The following HS2ST1 variants were observed in gnomAD, a reference collection of about 807,000 sequenced individuals.
HS2ST1 encodes heparan sulfate 2-O-sulfotransferase 1.
A neutral mutation model predicts 42.9 loss-of-function variants in HS2ST1; 18 were observed. The observed-to-expected ratio is 0.42, with a 90% confidence interval of 0.29 to 0.62. The LOEUF is 0.62. Ranked by LOEUF, HS2ST1 falls within the 20% of genes least tolerant of loss-of-function variation. The pLI, the probability that HS2ST1 is intolerant of heterozygous loss-of-function variation, is 0.21. For synonymous variants in HS2ST1, 146 were observed against 152.9 expected, an observed-to-expected ratio of 0.95 and a Z score of 0.33; for missense variants, 334 against 433.8, an observed-to-expected ratio of 0.77 and a Z score of 2.04.
At chr1:86,924,277 C>G (rs1172812160) in intron 1 of HS2ST1, among the ~76,000 whole-genome samples, 3 of 152,194 alleles carry the variant, frequency 2.0e-5, no homozygotes. Flanking sequence ...TGATATAGCC[C>G]CCCACTCCTG....
chr1:87,094,639 C>T (rs375001531), intron 4 of HS2ST1, among the ~76,000 whole-genome samples: 3 of 151,932 alleles, frequency 2.0e-5, no homozygotes, highest in Non-Finnish European at 4.4e-5. Context: ...ACATGTCACT[C>T]GACATTTTTC....
chr1:87,070,943 C>G (rs1172395958), intron 1 of HS2ST1, among the ~76,000 whole-genome samples: 1 of 152,248 alleles, frequency 6.6e-6, no homozygotes, highest in African/African-American at 2.4e-5. Flanking sequence ...AACTGTACAC[C>G]TATAAACCCA....
intron 1 of HS2ST1, among the ~76,000 whole-genome samples, chr1:87,056,124 T>A (rs1334800166): frequency 6.6e-6 from 1 of 152,158 alleles, no homozygotes; most frequent in Non-Finnish European, 1.5e-5. Context: ...TCTGCTCTCA[T>A]GAAAGAATCA....
At chr1:86,997,958 G>A (rs1295351853) in intron 1 of HS2ST1, among the ~76,000 whole-genome samples, 1 of 152,194 alleles carries the variant, frequency 6.6e-6, no homozygotes, top group African/African-American at 2.4e-5. Context: ...CATGGGTCGT[G>A]AAACTGCAGA....
chr1:87,107,702 A>G lies in HS2ST1; in HGVS notation c.*3006A>G, dbSNP rs1652357961. 1 of 151,898 alleles carries G rather than the reference A, an allele frequency of 6.6e-6. No individual in the cohort carries two copies. Among genetic ancestry groups the G allele is most frequent in the African/African-American group, 2.4e-5 (1 of 41,416 alleles). 9.4% of individuals were successfully genotyped at this position (151,898 alleles called of 1,614,324 possible). On this transcript the variant is annotated 3_prime_UTR_variant, in exon 7 of 7. Transcript: ENST00000370550. ...AAAGATACCTTTCTGTTCAACTTGT[A>G]TCAACTCCTCTTTTCTAATTGCTGT...
chr1:87,078,861 G>A (rs962574359), intron 2 of HS2ST1, among the ~76,000 whole-genome samples: 4 of 152,150 alleles, frequency 2.6e-5, no homozygotes, highest in African/African-American at 9.7e-5. Flanking sequence ...AGTGGTGCAG[G>A]GAGGTGAGAA....
chr1:86,924,069 A>G (rs1048219797), intron 1 of HS2ST1, among the ~76,000 whole-genome samples: 1 of 152,238 alleles, frequency 6.6e-6, no homozygotes, highest in African/African-American at 2.4e-5. Flanking sequence ...ACATTGGGTA[A>G]ATACAGCCAT....
At chr1:86,999,996 A>T (rs1168120221) in intron 1 of HS2ST1, among the ~76,000 whole-genome samples, 1 of 152,204 alleles carries the variant, frequency 6.6e-6, no homozygotes, top group Non-Finnish European at 1.5e-5. Flanking sequence ...TTATGCCAGC[A>T]AGTACACCTT....
At chr1:87,022,738 T>C (rs1649983761) in intron 1 of HS2ST1, among the ~76,000 whole-genome samples, 1 of 152,178 alleles carries the variant, frequency 6.6e-6, no homozygotes, top group Non-Finnish European at 1.5e-5. Context: ...GACATATTCA[T>C]ATACCATTAT....
intron 1 of HS2ST1, among the ~76,000 whole-genome samples, chr1:87,059,536 A>G (rs1445318693): frequency 6.6e-6 from 1 of 152,234 alleles, no homozygotes; most frequent in Non-Finnish European, 1.5e-5. Context: ...CTCAAGAAAA[A>G]GGAAAAGCAT....
chr1:86,917,754 A>G (rs1164339365), intron 1 of HS2ST1, among the ~76,000 whole-genome samples: 2 of 152,208 alleles, frequency 1.3e-5, no homozygotes, highest in Non-Finnish European at 2.9e-5. Flanking sequence ...TAAAATTGTA[A>G]TATCAGTGTT....
intron 1 of HS2ST1, among the ~76,000 whole-genome samples, chr1:87,053,506 T>C (rs1426574035): frequency 6.6e-6 from 1 of 152,218 alleles, no homozygotes; most frequent in African/African-American, 2.4e-5. Flanking sequence ...CTGAATAATT[T>C]ACTTTCAACC....
At chr1:87,082,819 A>G (rs1651725295) in intron 2 of HS2ST1, among the ~76,000 whole-genome samples, 3 of 152,194 alleles carry the variant, frequency 2.0e-5, no homozygotes, top group African/African-American at 2.4e-5. Context: ...CTCAAATCAC[A>G]TTTATTTGGC....
intron 1 of HS2ST1, among the ~76,000 whole-genome samples, chr1:86,979,070 A>G (rs1316883619): frequency 6.6e-6 from 1 of 151,846 alleles, no homozygotes; most frequent in Non-Finnish European, 1.5e-5. Context: ...TGCCCAGGCT[A>G]GTCTTGAACT....
chr1:87,090,238 C>G (rs1651907141), intron 3 of HS2ST1, among the ~76,000 whole-genome samples: 1 of 152,104 alleles, frequency 6.6e-6, no homozygotes, highest in Non-Finnish European at 1.5e-5. Flanking sequence ...TATTCAGCAC[C>G]TGTGTGTTGG....
At chr1:87,051,885 T>G (rs1227229438) in intron 1 of HS2ST1, among the ~76,000 whole-genome samples, 1 of 152,242 alleles carries the variant, frequency 6.6e-6, no homozygotes, top group Non-Finnish European at 1.5e-5. Context: ...GACTAATTTT[T>G]AAAGATTCAT....
chr1:87,087,198 A>G (rs1651836194), intron 3 of HS2ST1, among the ~76,000 whole-genome samples: 1 of 152,106 alleles, frequency 6.6e-6, no homozygotes, highest in South Asian at 2.1e-4. Flanking sequence ...GAAAATTAAA[A>G]TGTTAGAAGT....
chr1:87,006,664 G>A (rs1239348726), intron 1 of HS2ST1, among the ~76,000 whole-genome samples: 1 of 152,004 alleles, frequency 6.6e-6, no homozygotes, highest in Non-Finnish European at 1.5e-5. Context: ...AATTATTAAA[G>A]CTTAAGATTG....
intron 1 of HS2ST1, among the ~76,000 whole-genome samples, chr1:86,965,076 C>T (rs1402574314): frequency 6.6e-6 from 1 of 152,090 alleles, no homozygotes; most frequent in African/African-American, 2.4e-5. Context: ...TAAGTGATCC[C>T]CTTAATTTCA....
Sources: allele counts gnomAD v4.1 joint callset (sites outside exome capture counted in the v4.1 genomes callset), GRCh38; gene constraint gnomAD v4.1.1; transcripts MANE v1.5; gene names NCBI Gene and HGNC (gene_info 2026-07-23, HGNC 2026-07-21).